The following TMEM255B variants were observed in gnomAD, a reference collection of about 807,000 sequenced individuals.
TMEM255B encodes the protein family with sequence similarity 70, member B.
Under a neutral mutation model 34.5 loss-of-function variants are expected in TMEM255B, and 35 were observed. That is an observed-to-expected ratio of 1.01 (90% CI 0.77 to 1.34). The LOEUF (loss-of-function observed/expected upper bound fraction) is 1.34. Ranked by LOEUF, TMEM255B falls within the 40% of genes most tolerant of loss-of-function variation. The pLI, the probability that TMEM255B is intolerant of heterozygous loss-of-function variation, is 0.00. For missense variants in TMEM255B, 432 were observed against 433.2 expected (o/e 1.00, Z 0.02); for synonymous variants, 206 against 201.2 (o/e 1.02, Z -0.20).
At chr13:113,793,761 T>C (rs1159285795) in intron 3 of TMEM255B, among the ~76,000 whole-genome samples, 1 of 152,192 alleles carries the variant, frequency 6.6e-6, no homozygotes, top group African/African-American at 2.4e-5. Flanking sequence ...AGCTGCACTT[T>C]CCTCCGCAAA....
chr13:113,805,308 C>T (rs2051150866), intron 8 of TMEM255B, among the ~76,000 whole-genome samples: 1 of 152,226 alleles, frequency 6.6e-6, no homozygotes. Context: ...CTGGGCAGCT[C>T]CCCGCTGCAG....
rs747458917 is a variant in TMEM255B, at chr13:113,811,886, C to G, written c.964C>G (p.Pro322Ala). 6.2e-7 allele frequency: 1 copy of G among 1,611,756 alleles called. No individual in the cohort carries two copies. Among genetic ancestry groups the G allele is most frequent in the African/African-American group, 1.3e-5 (1 of 74,790 alleles). The change falls in exon 9 of 9, where the codon CCC (proline) becomes GCC (alanine). Residue 322 changes from proline (P) to alanine (A), a missense_variant. Coordinates refer to ENST00000375353, the MANE Select transcript of TMEM255B (RefSeq NM_182614.4). The part of the protein sequence containing the change: ...PTYFPPGEKP[P>A]PYAP The stretch of plus-strand genomic sequence containing the variant: ...CTACTTTCCCCCGGGGGAGAAGCCA[C>G]CCCCCTACGCACCCTGATAGAGGCG...
intron 1 of TMEM255B, among the ~76,000 whole-genome samples, chr13:113,760,034 G>T (rs1406949164): frequency 6.6e-6 from 1 of 152,144 alleles, no homozygotes; most frequent in Non-Finnish European, 1.5e-5. Flanking sequence ...GAGGGGGAGA[G>T]GGCTGGGCAG....
chr13:113,810,781 G>A (rs1040427711), intron 8 of TMEM255B, among the ~76,000 whole-genome samples: 3 of 152,204 alleles, frequency 2.0e-5, no homozygotes, highest in Non-Finnish European at 4.4e-5. Flanking sequence ...ACCTGAAGAT[G>A]CCTCCACGGC....
In TMEM255B at chr13:113,812,036, C is replaced by T. The variant is rs950724611; in HGVS notation, c.*133C>T. The T allele has an allele frequency of 2.5e-6, 3 of 1,200,086 alleles. No individual in the cohort carries two copies. Among genetic ancestry groups the T allele is most frequent in the Non-Finnish European group, 3.5e-6 (3 of 859,326 alleles). The allele number at this position is 1,200,086 out of a possible 1,614,324, so 74.3% of individuals were successfully genotyped here. On this transcript the variant is annotated 3_prime_UTR_variant, in exon 9 of 9. Coordinates refer to ENST00000375353, the MANE Select transcript of TMEM255B (RefSeq NM_182614.4). ...TTCCAGAAGTCTGTCCCCTCCTTTC[C>T]TCCCTGGGCACACTGGTGAGGGAGG...
At position 113,812,834 on chromosome 13, in the gene TMEM255B, G is replaced by C. The variant is rs1423817161; in HGVS notation, c.*931G>C. 1 of 174,834 alleles carries C rather than the reference G, an allele frequency of 5.7e-6. No homozygotes were observed. The highest frequency in any genetic ancestry group is 2.4e-5 in the African/African-American group (1 of 41,278). 10.8% of individuals were successfully genotyped at this position (174,834 alleles called of 1,614,324 possible). Reference sequence around the variant, plus strand: ...GGTCACAGGTCCTGAGTGGGTCACAGGTCCCGGGTGGGTCACAGGCATCCC... The same window carrying C: ...GGTCACAGGTCCTGAGTGGGTCACACGTCCCGGGTGGGTCACAGGCATCCC... On this transcript the variant is annotated 3_prime_UTR_variant, in exon 9 of 9. Coordinates refer to ENST00000375353, the MANE Select transcript of TMEM255B (RefSeq NM_182614.4).
rs754424276 is a variant in TMEM255B, at chr13:113,800,949, G to A, written c.509+37G>A. 5.8e-5 allele frequency: 69 copies of A among 1,198,788 alleles called. No individual in the cohort carries two copies. The East Asian group carries it at 1.1e-3, about 19-fold the overall frequency. The allele number at this position is 1,198,788 out of a possible 1,614,324, so 74.3% of individuals were successfully genotyped here. A position where few individuals can be genotyped will look rare whatever the true frequency, so the allele number is the denominator to read the frequency against. On this transcript the variant is annotated intron_variant, in intron 6 of 8. Coordinates refer to ENST00000375353, the MANE Select transcript of TMEM255B (RefSeq NM_182614.4). ...CGGGGACCCCCATATCTACACCTGCGGGAGGTGAGGGGCGCTGGGGACCCC... is the reference window on the plus strand; with the variant it reads ...CGGGGACCCCCATATCTACACCTGCAGGAGGTGAGGGGCGCTGGGGACCCC...
intron 3 of TMEM255B, among the ~76,000 whole-genome samples, chr13:113,775,877 C>T (rs567318169): frequency 3.9e-5 from 6 of 152,344 alleles, no homozygotes; most frequent in East Asian, 1.9e-4. Context: ...CCCACATCCC[C>T]GCCCAGGGAC....
At chr13:113,786,555 A>C (rs61966740) in intron 3 of TMEM255B, among the ~76,000 whole-genome samples, 63,877 of 150,460 alleles carry the variant, frequency 0.42, 14,873 homozygotes, top group East Asian at 0.72. Context: ...ACCATCGTCA[A>C]CATCATCACC....
chr13:113,774,286 T>A (rs2050523118), intron 3 of TMEM255B, among the ~76,000 whole-genome samples: 1 of 152,240 alleles, frequency 6.6e-6, no homozygotes, highest in African/African-American at 2.4e-5. Flanking sequence ...CGGTGACATC[T>A]GAAGAATGCC....
intron 1 of TMEM255B, chr13:113,761,336 C>A (rs990933783): frequency 1.0e-6 from 1 of 985,232 alleles, no homozygotes; most frequent in Non-Finnish European, 1.2e-6. Flanking sequence ...TCCAGCCTCG[C>A]GTGTCTTCCA....
chr13:113,781,084 A>G (rs966691314), intron 3 of TMEM255B, among the ~76,000 whole-genome samples: 1 of 152,212 alleles, frequency 6.6e-6, no homozygotes, highest in Non-Finnish European at 1.5e-5. Flanking sequence ...GTGTACTATT[A>G]ATGTTAAACC....
chr13:113,771,497 T>C (rs1266013055), intron 3 of TMEM255B, among the ~76,000 whole-genome samples: 1 of 152,178 alleles, frequency 6.6e-6, no homozygotes, highest in Non-Finnish European at 1.5e-5. Context: ...CTGACCAACA[T>C]GGTGAAATCC....
rs1003265992 is a variant in TMEM255B, at chr13:113,787,909, G to T, written c.253-7239G>T. On this transcript the variant is annotated intron_variant, in intron 3 of 8. Coordinates refer to ENST00000375353, the MANE Select transcript of TMEM255B (RefSeq NM_182614.4). ...AGGTGCCGTCCACTCTCTCCAGGAG[G>T]TTTACTCTAAAGGAAGCGAGGCGGA... Among the ~76,000 whole-genome samples the T allele has an allele frequency of 2.3e-4, 34 of 149,576 alleles. 1 individual carries two copies. Among genetic ancestry groups the T allele is most frequent in the Non-Finnish European group, 4.7e-4 (32 of 67,550 alleles).
At chr13:113,788,638 G>A (rs2050779951) in intron 3 of TMEM255B, among the ~76,000 whole-genome samples, 1 of 152,110 alleles carries the variant, frequency 6.6e-6, no homozygotes, top group African/African-American at 2.4e-5. Flanking sequence ...AGATGGAAGT[G>A]GCTGCTCTTG....
At position 113,770,545 on chromosome 13, in the gene TMEM255B, G is replaced by A. The variant is rs1441008103; in HGVS notation, c.252+1385G>A. Among the ~76,000 whole-genome samples the A allele has an allele frequency of 2.0e-5, 3 of 152,238 alleles. No individual in the cohort carries two copies. Among genetic ancestry groups the A allele is most frequent in the Non-Finnish European group, 4.4e-5 (3 of 68,040 alleles). ...TGGCTGCAAAGACACTGGGATTCTG[G>A]TGGAGCAAAGCGTTCTGTTCTGCAT... On this transcript the variant is annotated intron_variant, in intron 3 of 8. Transcript: ENST00000375353. The surrounding 1 kb of genome is among the most constrained non-coding windows in gnomAD (Gnocchi z 4.6).
chr13:113,764,756 CTACTA>C (rs2050361877), intron 1 of TMEM255B, among the ~76,000 whole-genome samples: 2 of 152,178 alleles, frequency 1.3e-5, no homozygotes, highest in Admixed American at 1.3e-4. Flanking sequence ...GTGAGTGTGG[CTACTA>C]TACTCAGTGT....
At chr13:113,810,927 G>T (rs998537471) in intron 8 of TMEM255B, among the ~76,000 whole-genome samples, 1 of 152,142 alleles carries the variant, frequency 6.6e-6, no homozygotes, top group Non-Finnish European at 1.5e-5. Context: ...GAGCCCAGGG[G>T]CCCCAGGCCT....
At chr13:113,761,979 T>C (rs568664839) in intron 1 of TMEM255B, among the ~76,000 whole-genome samples, 1 of 152,330 alleles carries the variant, frequency 6.6e-6, no homozygotes, top group Admixed American at 6.5e-5. Flanking sequence ...CAGAATGGTT[T>C]GGGTCCAGTC....
Sources: gnomAD v4.1 joint callset for allele counts (sites outside exome capture counted in the v4.1 genomes callset) on GRCh38, gnomAD v4.1.1 for gene constraint, Gnocchi (gnomAD v3.1) non-coding constraint, MANE v1.5 for transcripts, NCBI Gene and HGNC (gene_info 2026-07-23, HGNC 2026-07-21) for gene names.